FOCAD: variants seen among roughly 807,000 people sequenced by gnomAD.
The protein encoded by FOCAD is focadhesin.
FOCAD carries 198 observed loss-of-function variants against 225.6 expected under a neutral mutation model. The observed-to-expected ratio is 0.88, with a 90% CI of 0.78 to 0.99. The LOEUF is 0.99. FOCAD is among the 50% of genes least tolerant of loss of function. The probability of loss-of-function intolerance (pLI) is 0.00; values close to 1 mark genes in which losing one functional copy is unlikely to be tolerated. For synonymous variants in FOCAD, 897 were observed against 755.0 expected (o/e 1.19, Z -3.08); for missense variants, 2,713 against 2,123.6 (o/e 1.28, Z -5.46).
chr9:20,922,466 A>T (rs1335333775), intron 24 of FOCAD, among the ~76,000 whole-genome samples: 1 of 152,218 alleles, frequency 6.6e-6, no homozygotes, highest in Non-Finnish European at 1.5e-5. Flanking sequence ...GTTAATGGCA[A>T]GTCCTGAGTC....
At chr9:20,665,557 A>G (rs1394379775) in intron 2 of FOCAD, among the ~76,000 whole-genome samples, 2 of 152,226 alleles carry the variant, frequency 1.3e-5, no homozygotes, top group Non-Finnish European at 2.9e-5. Context: ...CTATACAATT[A>G]TTTGATTCTA....
At chr9:20,706,726 A>G (rs1409828211) in intron 1 of FOCAD, among the ~76,000 whole-genome samples, 2 of 152,178 alleles carry the variant, frequency 1.3e-5, no homozygotes, top group African/African-American at 4.8e-5. Flanking sequence ...TATATTAGTT[A>G]AGGAAGTGCT....
chr9:20,705,924 GTT>G (rs59407171), intron 1 of FOCAD, among the ~76,000 whole-genome samples: 97 of 106,908 alleles, frequency 9.1e-4, no homozygotes, highest in Non-Finnish European at 6.2e-4. Context: ...TCAGTTTTAA[GTT>G]TTTTTTTTTT....
intron 26 of FOCAD, among the ~76,000 whole-genome samples, 164 bp downstream of exon 26, chr9:20,926,581 C>T (rs1318558838): frequency 1.3e-5 from 2 of 151,964 alleles, no homozygotes; most frequent in Non-Finnish European, 2.9e-5. Context: ...GTTGGGAGTT[C>T]GAGACCAGCC....
rs397959541 is a variant in FOCAD at position 20,685,196 on chromosome 9, A to ATTTTTT, written c.-33+912_-33+917dup. On this transcript the variant is annotated intron_variant, in intron 1 of 43. Transcript: ENST00000338382. ...TTTATTGTCTAGATTTGAGTTGGAA[A>ATTTTTT]TTTTTTTTTTTTTTGTTATTTTCAG... Among the ~76,000 whole-genome samples the ATTTTTT allele has an allele frequency of 7.4e-3, 1,053 of 143,056 alleles. 21 individuals carry two copies. Among genetic ancestry groups the ATTTTTT allele is most frequent in the African/African-American group, 0.025 (935 of 37,974 alleles). 93.9% of individuals were successfully genotyped at this position (143,056 alleles called of 152,430 possible). A position where few individuals can be genotyped will look rare whatever the true frequency, so the allele number is the denominator to read the frequency against.
chr9:20,746,882 T>C (rs1323609842), intron 5 of FOCAD, among the ~76,000 whole-genome samples: 1 of 152,146 alleles, frequency 6.6e-6, no homozygotes, highest in Non-Finnish European at 1.5e-5. Flanking sequence ...TCTCATCCTT[T>C]CTTTGTTTTT....
At chr9:20,808,236 G>A (rs1438156765) in intron 11 of FOCAD, among the ~76,000 whole-genome samples, 1 of 152,184 alleles carries the variant, frequency 6.6e-6, no homozygotes, top group Non-Finnish European at 1.5e-5. Context: ...GAAGTAGCCA[G>A]CCTCAATACC....
intron 11 of FOCAD, among the ~76,000 whole-genome samples, chr9:20,801,534 C>G (rs1004075002): frequency 1.7e-4 from 26 of 152,094 alleles, no homozygotes; most frequent in African/African-American, 6.3e-4. Flanking sequence ...TATTGAGGCA[C>G]TCATAATGCA....
intron 2 of FOCAD, among the ~76,000 whole-genome samples, chr9:20,659,201 C>G (rs1821622309): frequency 6.6e-6 from 1 of 151,828 alleles, no homozygotes; most frequent in South Asian, 2.1e-4. Flanking sequence ...GCCTAGGGAA[C>G]AGAGTGAGAC....
At chr9:20,906,044 TG>T (rs959949197) in intron 21 of FOCAD, among the ~76,000 whole-genome samples, 1 of 151,980 alleles carries the variant, frequency 6.6e-6, no homozygotes, top group Non-Finnish European at 1.5e-5. Context: ...TGTCCATTTC[TG>T]GGTCTCTCAC....
chr9:20,721,437 C>A (rs1401142712), intron 4 of FOCAD, among the ~76,000 whole-genome samples: 1 of 152,068 alleles, frequency 6.6e-6, no homozygotes, highest in Non-Finnish European at 1.5e-5. Context: ...TGCAGTGGGT[C>A]ACGCCTGTAA....
intron 1 of FOCAD, among the ~76,000 whole-genome samples, chr9:20,714,276 C>G (rs1825120183): frequency 1.3e-5 from 2 of 152,090 alleles, no homozygotes; most frequent in Admixed American, 1.3e-4. Flanking sequence ...GATTTTGTAA[C>G]ATTTTGAATT....
At position 20,939,150 on chromosome 9, in the gene FOCAD, C is replaced by CAA. The variant is rs565280892; in HGVS notation, c.3408-5461_3408-5460dup. ...GGGCGACAGAGCGAGACTCTCTTCTCAAAAAAAAAAAAAAAAAGAGTGTGG... is the reference window on the plus strand; with the variant it reads ...GGGCGACAGAGCGAGACTCTCTTCTCAAAAAAAAAAAAAAAAAAAGAGTGTGG... On this transcript the variant is annotated intron_variant, in intron 28 of 43. Transcript: ENST00000338382. Among the ~76,000 whole-genome samples the CAA allele has an allele frequency of 2.3e-4, 17 of 72,492 alleles. 1 individual carries two copies. Among genetic ancestry groups the CAA allele is most frequent in the Non-Finnish European group, 1.6e-4 (6 of 37,514 alleles). 47.6% of individuals were successfully genotyped at this position (72,492 alleles called of 152,430 possible).
At chr9:20,934,891 A>G (rs751700540) in intron 28 of FOCAD, among the ~76,000 whole-genome samples, 20 of 152,172 alleles carry the variant, frequency 1.3e-4, no homozygotes, top group Non-Finnish European at 2.5e-4. Flanking sequence ...AAAAAATAAT[A>G]AGATACTTAG....
chr9:20,673,797 C>T (rs528606800), intron 2 of FOCAD, among the ~76,000 whole-genome samples: 307 of 152,252 alleles, frequency 2.0e-3, no homozygotes, highest in African/African-American at 7.2e-3. Flanking sequence ...GTCTTGAACC[C>T]CTGAGCTCAA....
intron 34 of FOCAD, among the ~76,000 whole-genome samples, chr9:20,952,170 T>C (rs1230872855): frequency 6.6e-6 from 1 of 152,186 alleles, no homozygotes; most frequent in Non-Finnish European, 1.5e-5. Flanking sequence ...TATGGCAGGC[T>C]TTTATTTTTT....
At position 20,990,365 on chromosome 9, in the gene FOCAD, G is replaced by T. The variant is rs146289463; in HGVS notation, c.5247G>T (p.Gln1749His). 752 of 1,613,400 alleles carry T rather than the reference G, an allele frequency of 4.7e-4. 3 individuals carry two copies. In the African/African-American group the frequency reaches 9.1e-3, roughly 20 times the overall value. Residue 1749 changes from glutamine to histidine, a missense_variant, in exon 42 of 44, where the codon CAG (glutamine) becomes CAT (histidine). Coordinates refer to ENST00000338382, the MANE Select transcript of FOCAD (RefSeq NM_001375567.1). ...TGCAGAAAGAGCCATGGAAGGAACAGACCCAGAAGGTGAGGCTGGCAGCCA... is the reference window on the plus strand; with the variant it reads ...TGCAGAAAGAGCCATGGAAGGAACATACCCAGAAGGTGAGGCTGGCAGCCA... ...LLLQKEPWKE[Q>H]TQKFIDWLFS...
At chr9:20,892,648 A>G (rs577845399) in intron 21 of FOCAD, among the ~76,000 whole-genome samples, 1 of 152,180 alleles carries the variant, frequency 6.6e-6, no homozygotes, top group Admixed American at 6.5e-5. Flanking sequence ...TTGAGATGGA[A>G]TCTACTCCTG....
intron 8 of FOCAD, among the ~76,000 whole-genome samples, chr9:20,775,578 A>G (rs1180366840): frequency 1.3e-5 from 2 of 152,188 alleles, no homozygotes; most frequent in African/African-American, 4.8e-5. Flanking sequence ...TTGGGCCACC[A>G]TCTTTGTTTT....
Sources: gnomAD v4.1 joint callset for allele counts (sites outside exome capture counted in the v4.1 genomes callset) on GRCh38, gnomAD v4.1.1 for gene constraint, MANE v1.5 for transcripts, NCBI Gene and HGNC (gene_info 2026-07-23, HGNC 2026-07-21) for gene names.